The following DZIP3 variants were observed in gnomAD, a reference collection of about 807,000 sequenced individuals.
The protein encoded by DZIP3 is DAZ interacting zinc finger protein 3, also known as E3 ubiquitin-protein ligase DZIP3.
DZIP3 carries 118 observed loss-of-function variants against 162.0 expected under a neutral mutation model. That is an observed-to-expected ratio of 0.73 (90% CI 0.63 to 0.85). The LOEUF (loss-of-function observed/expected upper bound fraction) is 0.85. Among genes scored for constraint, DZIP3 ranks in the 40% least tolerant of loss-of-function variants. The pLI is 0.00. For synonymous variants in DZIP3, 438 were observed against 458.6 expected (o/e 0.96, Z 0.57); for missense variants, 1,331 against 1,407.0 (o/e 0.95, Z 0.86).
intron 3 of DZIP3, among the ~76,000 whole-genome samples, 175 bp from the exon 4 acceptor site, chr3:108,610,999 T>C (rs1940672912): frequency 6.6e-6 from 1 of 152,208 alleles, no homozygotes; most frequent in African/African-American, 2.4e-5. Flanking sequence ...TTTAAGTTCC[T>C]AGAGAGCAGA....
intron 21 of DZIP3, among the ~76,000 whole-genome samples, chr3:108,665,876 A>C (rs1943653095): frequency 6.6e-6 from 1 of 152,194 alleles, no homozygotes. Context: ...TAGGAATAGA[A>C]GGAAATAAAG....
In DZIP3 at chr3:108,662,295, C is replaced by G. The variant is rs763548892; in HGVS notation, c.2423+38C>G. ...CTTTTGATAAAGGGAAATTCTGCGC[C>G]GTAATAAACAGTATCTTTAATAGTT... is the stretch of plus-strand genomic sequence containing the variant. On this transcript the variant is annotated intron_variant, in intron 21 of 32. Transcript: ENST00000361582. 8 of 1,553,600 alleles carry G rather than the reference C, an allele frequency of 5.1e-6. No individual in the cohort carries two copies. The South Asian group carries it at 7.6e-5, about 15-fold the overall frequency.
chr3:108,610,406 A>G (rs191947063), intron 3 of DZIP3, among the ~76,000 whole-genome samples: 289 of 152,350 alleles, frequency 1.9e-3, no homozygotes, highest in Admixed American at 4.5e-3. Flanking sequence ...GATTAGACAG[A>G]TAGTCCTGCA....
chr3:108,634,201 T>G (rs1942032557), intron 9 of DZIP3, among the ~76,000 whole-genome samples: 1 of 152,124 alleles, frequency 6.6e-6, no homozygotes, highest in Admixed American at 6.6e-5. Flanking sequence ...GATGTAGTGC[T>G]CAGGGTCAGG....
Position 108,674,100 on chromosome 3 carries a change from G to C in DZIP3, c.2612G>C (p.Arg871Thr), listed in dbSNP as rs1944016818. The C allele has an allele frequency of 6.2e-7, 1 of 1,611,836 alleles. No homozygotes were observed. The highest frequency in any genetic ancestry group is 8.5e-7 in the Non-Finnish European group (1 of 1,178,784). ...TAEVYFLQCR[R>T]DFGLLHLEQT... Reference sequence around the variant, plus strand: ...TAGGTGTATTTCTTACAGTGTCGTAGGGATTTTGGTTTGCTTCATCTAGAG... The same window carrying C: ...TAGGTGTATTTCTTACAGTGTCGTACGGATTTTGGTTTGCTTCATCTAGAG... Residue 871 changes from arginine to threonine, a missense_variant, in exon 24 of 33, where the codon AGG (arginine) becomes ACG (threonine). By Grantham distance (71) the Arg-to-Thr change is moderately conservative. Coordinates refer to ENST00000361582, the MANE Select transcript of DZIP3 (RefSeq NM_014648.4).
intron 8 of DZIP3, among the ~76,000 whole-genome samples, chr3:108,631,055 A>ACATACACACTCTCTCTCTCTCTCTCT: frequency 1.1e-4 from 2 of 18,006 alleles, no homozygotes; most frequent in African/African-American, 5.6e-4. Flanking sequence ...ACACACACAC[A>ACATACACACTCTCTCTCTCTCTCTCT]CTCTCTCTCT....
intron 1 of DZIP3, among the ~76,000 whole-genome samples, chr3:108,603,994 G>C (rs894589639): frequency 6.6e-6 from 1 of 152,084 alleles, no homozygotes; most frequent in Non-Finnish European, 1.5e-5. Context: ...TTTGGTGGGG[G>C]AGGGGCAGGA....
intron 26 of DZIP3, 38 bp downstream of exon 26, chr3:108,677,636 T>C: frequency 6.4e-7 from 1 of 1,566,432 alleles, no homozygotes; most frequent in Non-Finnish European, 8.8e-7. Flanking sequence ...GCCCTTTTCA[T>C]TTTGACAAAA....
At chr3:108,661,378 C>T (rs1005607548) in intron 19 of DZIP3, among the ~76,000 whole-genome samples, 19 of 152,116 alleles carry the variant, frequency 1.2e-4, no homozygotes, top group African/African-American at 4.3e-4. Flanking sequence ...AGCAAACTAT[C>T]GCAAGGACAA....
chr3:108,684,317 A>C lies in DZIP3; in HGVS notation c.2985A>C (p.Ala995=). 1 of 1,613,292 alleles carries C rather than the reference A, an allele frequency of 6.2e-7. No individual in the cohort carries two copies. The highest frequency in any genetic ancestry group is 8.5e-7 in the Non-Finnish European group (1 of 1,179,602). The stretch of plus-strand genomic sequence containing the variant: ...CAGTTTGCCCGGGAGTCGTCTCTGC[A>C]ACTGGCCAACCTAGAGCCCCCCTGG... ...MPAVCPGVVS[A]TGQPRAPLMT... Residue 995 remains alanine, a synonymous_variant, in exon 27 of 33, where the codon GCA becomes GCC. Transcript: ENST00000361582.
intron 1 of DZIP3, among the ~76,000 whole-genome samples, chr3:108,592,532 A>G (rs1232097291): frequency 1.3e-5 from 2 of 151,944 alleles, no homozygotes; most frequent in East Asian, 1.9e-4. Context: ...CACCTCTACT[A>G]AAAATACAGA....
intron 22 of DZIP3, among the ~76,000 whole-genome samples, chr3:108,671,175 G>A (rs1943913168): frequency 6.6e-6 from 1 of 151,540 alleles, no homozygotes; most frequent in Non-Finnish European, 1.5e-5. Flanking sequence ...AATATTTAAT[G>A]GTATAATAAT....
chr3:108,631,339 A>G (rs1252739580), intron 8 of DZIP3, among the ~76,000 whole-genome samples: 3 of 151,692 alleles, frequency 2.0e-5, no homozygotes, highest in South Asian at 2.1e-4. Context: ...AAAATAATTT[A>G]TCCTTTGTAT....
intron 7 of DZIP3, among the ~76,000 whole-genome samples, chr3:108,626,559 C>T (rs1941599648): frequency 6.6e-6 from 1 of 152,170 alleles, no homozygotes; most frequent in Admixed American, 6.5e-5. Flanking sequence ...TACAGATTAT[C>T]TGTTTACTTC....
At chr3:108,607,461 A>G (rs1409666013) in intron 2 of DZIP3, among the ~76,000 whole-genome samples, 1 of 152,190 alleles carries the variant, frequency 6.6e-6, no homozygotes, top group Non-Finnish European at 1.5e-5. Context: ...TGGTGCCTTT[A>G]TTATGGTTCC....
chr3:108,688,915 C>G lies in DZIP3; in HGVS notation c.3507C>G (p.Phe1169Leu). 1.2e-6 allele frequency: 2 copies of G among 1,614,064 alleles called. No individual in the cohort carries two copies. Among genetic ancestry groups the G allele is most frequent in the Non-Finnish European group, 1.7e-6 (2 of 1,179,952 alleles). ...CAGTTTTGCCTTGCGCTCACAAATTCCATGCTCAGGTAACACTTTAAATTT... is the reference window on the plus strand; with the variant it reads ...CAGTTTTGCCTTGCGCTCACAAATTGCATGCTCAGGTAACACTTTAAATTT... ...NLSVLPCAHK[F>L]HAQCIRPWLM... Residue 1169 changes from phenylalanine (F) to leucine (L), a missense_variant, in exon 31 of 33, where the codon TTC (phenylalanine) becomes TTG (leucine). Coordinates refer to ENST00000361582, the MANE Select transcript of DZIP3 (RefSeq NM_014648.4).
In DZIP3 at chr3:108,674,194, T is replaced by TCTTC. The variant is rs1944019711; in HGVS notation, c.2693+17_2693+20dup. On this transcript the variant is annotated intron_variant, in intron 24 of 32. Transcript: ENST00000361582. ...ACATGGCAGCAAGGTAACCTTTCCC[T>TCTTC]CTTCCTTAATGCATCTTAATTTTAG... is the stretch of plus-strand genomic sequence containing the variant. 1 of 1,601,238 alleles carries TCTTC rather than the reference T, an allele frequency of 6.2e-7. No individual in the cohort carries two copies. The highest frequency in any genetic ancestry group is 2.2e-5 in the East Asian group (1 of 44,768).
At chr3:108,610,739 A>G (rs1363933001) in intron 3 of DZIP3, among the ~76,000 whole-genome samples, 1 of 152,240 alleles carries the variant, frequency 6.6e-6, no homozygotes, top group Non-Finnish European at 1.5e-5. Context: ...TTGTGTAGTT[A>G]TCAGTTAACA....
chr3:108,631,055 A>ACACACACACACACTCTCTCTCTCT, intron 8 of DZIP3, among the ~76,000 whole-genome samples: 8 of 18,006 alleles, frequency 4.4e-4, no homozygotes, highest in Admixed American at 1.7e-3. Context: ...ACACACACAC[A>ACACACACACACACTCTCTCTCTCT]CTCTCTCTCT....
Sources: gnomAD v4.1 joint callset for allele counts (sites outside exome capture counted in the v4.1 genomes callset) on GRCh38, gnomAD v4.1.1 for gene constraint, MANE v1.5 for transcripts, NCBI Gene and HGNC (gene_info 2026-07-23, HGNC 2026-07-21) for gene names.